ANKS1B: variants seen among roughly 807,000 people sequenced by gnomAD.
The protein encoded by ANKS1B is ankyrin repeat and sterile alpha motif domain-containing protein 1B.
Under a neutral mutation model 148.3 loss-of-function variants are expected in ANKS1B, and 36 were observed. The observed-to-expected ratio is 0.24, with a 90% CI of 0.19 to 0.32. The LOEUF (loss-of-function observed/expected upper bound fraction) is 0.32. ANKS1B is among the 10% of genes least tolerant of loss of function. ANKS1B has a pLI of 1.00. For missense variants in ANKS1B, 1,157 were observed against 1,542.6 expected, an observed-to-expected ratio of 0.75 and a Z score of 4.19; for synonymous variants, 542 against 560.8, an observed-to-expected ratio of 0.97 and a Z score of 0.47.
rs116226397 is a variant in ANKS1B, at chr12:99,525,945, A to C, written c.1273-21304T>G. Among the ~76,000 whole-genome samples the C allele has an allele frequency of 8.0e-3, 1,223 of 152,176 alleles. 12 individuals carry two copies. Among genetic ancestry groups the C allele is most frequent in the African/African-American group, 0.027 (1,140 of 41,570 alleles). On this transcript the variant is annotated intron_variant, in intron 9 of 26. Coordinates refer to ENST00000683438, the MANE Select transcript of ANKS1B (RefSeq NM_001352186.2). ...ATATAACAAAGGGTTAATCTCTTTAATATATATAAAGATAATAATAAATTG... is the reference window on the plus strand; with the variant it reads ...ATATAACAAAGGGTTAATCTCTTTACTATATATAAAGATAATAATAAATTG...
chr12:99,829,462 A>G (rs2083646487), intron 1 of ANKS1B, among the ~76,000 whole-genome samples: 1 of 152,130 alleles, frequency 6.6e-6, no homozygotes, highest in Admixed American at 6.5e-5. Context: ...CATCCTGGCT[A>G]ACATGGTGAA....
chr12:99,215,564 C>G (rs1425364044), intron 14 of ANKS1B, among the ~76,000 whole-genome samples: 1 of 152,182 alleles, frequency 6.6e-6, no homozygotes, highest in Non-Finnish European at 1.5e-5. Context: ...GCCATGGGAG[C>G]CCACCTCTTG....
chr12:98,879,396 G>C (rs1252267331), intron 17 of ANKS1B, among the ~76,000 whole-genome samples: 2 of 152,184 alleles, frequency 1.3e-5, no homozygotes, highest in African/African-American at 4.8e-5. Context: ...AGCACACACA[G>C]CTAATAAGTC....
intron 19 of ANKS1B, among the ~76,000 whole-genome samples, chr12:98,826,277 T>C (rs1193010908): frequency 1.3e-5 from 2 of 152,214 alleles, no homozygotes; most frequent in African/African-American, 4.8e-5. Flanking sequence ...AAATCCCCTG[T>C]ATCCCAAGAC....
At chr12:99,251,911 G>T (rs2074653728) in intron 12 of ANKS1B, among the ~76,000 whole-genome samples, 1 of 152,242 alleles carries the variant, frequency 6.6e-6, no homozygotes, top group African/African-American at 2.4e-5. Flanking sequence ...TATATCAGGT[G>T]GCAAAGTTTC....
intron 1 of ANKS1B, among the ~76,000 whole-genome samples, chr12:99,900,859 C>A (rs1398106517): frequency 2.0e-5 from 3 of 152,182 alleles, no homozygotes; most frequent in Non-Finnish European, 4.4e-5. Flanking sequence ...GTATGCAATG[C>A]ATGAGCAAAT....
In ANKS1B at chr12:99,010,901, GT is replaced by G. The variant is rs1309326368; in HGVS notation, c.2778+42255del. On this transcript the variant is annotated intron_variant, in intron 17 of 26. Transcript: ENST00000683438. Reference sequence around the variant, plus strand: ...GCTAGGACTACAGGTGTGAGCTTTTGTTTTTTTTTTTTTTTTTTTTTAATAG... The same window carrying G: ...GCTAGGACTACAGGTGTGAGCTTTTGTTTTTTTTTTTTTTTTTTTTAATAG... 5.9e-3 allele frequency among the ~76,000 whole-genome samples: 301 copies of G among 51,306 alleles called. 2 individuals are homozygous for G. Among genetic ancestry groups the G allele is most frequent in the East Asian group, 0.042 (85 of 2,002 alleles). 33.7% of individuals were successfully genotyped at this position (51,306 alleles called of 152,430 possible). A position where few individuals can be genotyped will look rare whatever the true frequency, so the allele number is the denominator to read the frequency against.
At chr12:99,691,419 T>A (rs1369670798) in intron 8 of ANKS1B, among the ~76,000 whole-genome samples, 1 of 152,212 alleles carries the variant, frequency 6.6e-6, no homozygotes, top group Non-Finnish European at 1.5e-5. Flanking sequence ...TTCAAACTTT[T>A]ATGCTCTACT....
rs924771173 is a variant in ANKS1B at position 99,516,576 on chromosome 12, C to T, written c.1273-11935G>A. On this transcript the variant is annotated intron_variant, in intron 9 of 26. Transcript: ENST00000683438. ...GACCCAGGGAGGGGAACAACACACC[C>T]AGGACCCTGTCAGGGAGGCAGGGGG... 2.0e-5 allele frequency among the ~76,000 whole-genome samples: 3 copies of T among 152,088 alleles called. No homozygotes were observed. In the South Asian group the frequency reaches 6.2e-4, roughly 32 times the overall value.
chr12:99,436,656 A>G (rs1425161032), intron 11 of ANKS1B, among the ~76,000 whole-genome samples: 1 of 152,024 alleles, frequency 6.6e-6, no homozygotes, highest in African/African-American at 2.4e-5. Context: ...CTAAACTGTT[A>G]ATAATGGCAG....
intron 12 of ANKS1B, among the ~76,000 whole-genome samples, chr12:99,333,571 CCT>C (rs1175885252): frequency 3.3e-5 from 5 of 151,986 alleles, no homozygotes. Context: ...TTTGCAGGTC[CCT>C]GTCTCAGTTC....
At position 98,798,819 on chromosome 12, in the gene ANKS1B, G is replaced by A. The variant is rs906842199; in HGVS notation, c.3342+115C>T. On this transcript the variant is annotated intron_variant, in intron 22 of 26. Transcript: ENST00000683438. ...GAGCACCTTTTTATGTAATACCAATGTGATTCAGCAGACCAACAGATGGAG... is the reference window on the plus strand; with the variant it reads ...GAGCACCTTTTTATGTAATACCAATATGATTCAGCAGACCAACAGATGGAG... The A allele has an allele frequency of 1.9e-5, 15 of 775,398 alleles. No individual in the cohort carries two copies. In the African/African-American group the frequency reaches 2.3e-4, roughly 12 times the overall value. The allele number at this position is 775,398 out of a possible 1,614,324, so 48.0% of individuals were successfully genotyped here. A position where few individuals can be genotyped will look rare whatever the true frequency, so the allele number is the denominator to read the frequency against.
At chr12:99,756,333 C>T (rs1391788336) in intron 8 of ANKS1B, among the ~76,000 whole-genome samples, 2 of 151,998 alleles carry the variant, frequency 1.3e-5, no homozygotes. Context: ...CTCCCATTCA[C>T]AATAGCCACA....
chr12:99,486,463 T>TGC (rs1567195987), intron 10 of ANKS1B, among the ~76,000 whole-genome samples: 259 of 141,382 alleles, frequency 1.8e-3, no homozygotes, highest in African/African-American at 6.7e-3. Context: ...TGCTTATTTA[T>TGC]TTATTTATTT....
intron 15 of ANKS1B, among the ~76,000 whole-genome samples, chr12:99,138,811 TA>T (rs530224536): frequency 1.4e-4 from 22 of 152,290 alleles, no homozygotes; most frequent in African/African-American, 5.3e-4. Context: ...ACTGCTTACA[TA>T]AATACACTCA....
chr12:98,986,026 T>A (rs2099923154), intron 17 of ANKS1B, among the ~76,000 whole-genome samples: 1 of 152,176 alleles, frequency 6.6e-6, no homozygotes, highest in Admixed American at 6.5e-5. Flanking sequence ...CAGTTCTTTT[T>A]TCTTTTAGCA....
At chr12:99,765,489 A>T (rs550894601) in intron 8 of ANKS1B, among the ~76,000 whole-genome samples, 1 of 152,150 alleles carries the variant, frequency 6.6e-6, no homozygotes, top group Non-Finnish European at 1.5e-5. Context: ...TTTTTAAGGA[A>T]TCTAAATATA....
At chr12:99,215,557 A>G (rs948531894) in intron 14 of ANKS1B, among the ~76,000 whole-genome samples, 10 of 152,232 alleles carry the variant, frequency 6.6e-5, no homozygotes, top group Non-Finnish European at 1.5e-4. Context: ...GCCCAAGGCC[A>G]TGGGAGCCCA....
chr12:99,055,259 G>T lies in ANKS1B; in HGVS notation c.2626-1950C>A, dbSNP rs112856916. Among the ~76,000 whole-genome samples the T allele has an allele frequency of 2.5e-3, 386 of 152,300 alleles. 1 individual carries two copies. Among genetic ancestry groups the T allele is most frequent in the African/African-American group, 8.8e-3 (365 of 41,562 alleles). On this transcript the variant is annotated intron_variant, in intron 16 of 26. Coordinates refer to ENST00000683438, the MANE Select transcript of ANKS1B (RefSeq NM_001352186.2). ...TCACTCTGGCCCCAGGAATCTTCCT[G>T]ACTGCCCCAGTGACATGAAATAAGA...
Sources: allele counts gnomAD v4.1 joint callset (sites outside exome capture counted in the v4.1 genomes callset), GRCh38; gene constraint gnomAD v4.1.1; transcripts MANE v1.5; gene names NCBI Gene and HGNC (gene_info 2026-07-23, HGNC 2026-07-21).